The following FAM193A variants were observed in gnomAD, a reference collection of about 807,000 sequenced individuals.
FAM193A encodes the protein family with sequence similarity 193 member A.
Under a neutral mutation model 126.5 loss-of-function variants are expected in FAM193A, and 22 were observed. The observed-to-expected ratio is 0.17, with a 90% CI of 0.12 to 0.25. FAM193A has a LOEUF of 0.25. Among genes scored for constraint, FAM193A ranks in the 10% least tolerant of loss-of-function variants. The pLI, the probability that FAM193A is intolerant of heterozygous loss-of-function variation, is 1.00. For synonymous variants in FAM193A, 761 were observed against 646.8 expected (o/e 1.18, Z -2.68); for missense variants, 1,675 against 1,672.8 (o/e 1.00, Z -0.02).
At chr4:2,586,031 G>A (rs1740214411) in intron 1 of FAM193A, among the ~76,000 whole-genome samples, 1 of 152,060 alleles carries the variant, frequency 6.6e-6, no homozygotes, top group Admixed American at 6.6e-5. Flanking sequence ...ATCACTTGAG[G>A]TTGGGAGTTC....
intron 20 of FAM193A, among the ~76,000 whole-genome samples, chr4:2,730,553 G>C (rs965507235): frequency 6.6e-6 from 1 of 152,084 alleles, no homozygotes; most frequent in Non-Finnish European, 1.5e-5. Context: ...AGCTGGGCGT[G>C]GTGATAGGTG....
chr4:2,639,885 C>T (rs1411532676), intron 6 of FAM193A, 26 bp downstream of exon 6: 13 of 1,605,796 alleles, frequency 8.1e-6, no homozygotes, highest in Non-Finnish European at 1.1e-5. Flanking sequence ...CCGTATGTGT[C>T]TTTGTGGTGT....
chr4:2,617,047 C>A (rs111576208), intron 2 of FAM193A, among the ~76,000 whole-genome samples: 94,230 of 140,846 alleles, frequency 0.67, 32,973 homozygotes, highest in African/African-American at 0.87. Context: ...ACATGCCTGT[C>A]ATCCCAGCTA....
chr4:2,726,142 G>A (rs546293937), intron 20 of FAM193A, among the ~76,000 whole-genome samples: 2 of 151,936 alleles, frequency 1.3e-5, no homozygotes, highest in African/African-American at 2.4e-5. Context: ...CTCGTGATCC[G>A]CCCATCTCAG....
chr4:2,554,490 G>T (rs777923784), intron 1 of FAM193A, among the ~76,000 whole-genome samples: 1 of 152,108 alleles, frequency 6.6e-6, no homozygotes, highest in East Asian at 1.9e-4. Context: ...AAGGTTTTAT[G>T]GTCTGTTTTG....
At chr4:2,694,921 G>A (rs1406376571) in intron 16 of FAM193A, 25 bp from the exon 17 acceptor site, 1 of 1,564,220 alleles carries the variant, frequency 6.4e-7, no homozygotes, top group Admixed American at 2.0e-5. Flanking sequence ...GCCACTTGCT[G>A]ATGAGCTTGT....
At chr4:2,601,129 A>G (rs1741169830) in intron 2 of FAM193A, among the ~76,000 whole-genome samples, 1 of 152,094 alleles carries the variant, frequency 6.6e-6, no homozygotes, top group South Asian at 2.1e-4. Flanking sequence ...CTTTTAAAAC[A>G]AGAAAAATTG....
chr4:2,675,488 A>C (rs1290026829), intron 13 of FAM193A, among the ~76,000 whole-genome samples: 1 of 152,128 alleles, frequency 6.6e-6, no homozygotes, highest in Non-Finnish European at 1.5e-5. Flanking sequence ...ACCCTTTTTC[A>C]TTATGTAATG....
At chr4:2,654,403 T>C (rs1352682975) in intron 7 of FAM193A, 1 of 143,804 alleles carries the variant, frequency 7.0e-6, no homozygotes, top group Non-Finnish European at 1.5e-5. Context: ...TTTTTTTTTG[T>C]ATTTTTGGTA....
At chr4:2,584,976 T>G (rs539825338) in intron 1 of FAM193A, among the ~76,000 whole-genome samples, 1 of 152,252 alleles carries the variant, frequency 6.6e-6, no homozygotes, top group South Asian at 2.1e-4. Context: ...CACTATAGTT[T>G]TGCCTGTTTT....
intron 1 of FAM193A, among the ~76,000 whole-genome samples, chr4:2,593,488 G>A (rs1469127554): frequency 6.6e-6 from 1 of 152,148 alleles, no homozygotes; most frequent in Non-Finnish European, 1.5e-5. Context: ...TTGCTGTTAT[G>A]TTTTTCTCCT....
intron 1 of FAM193A, among the ~76,000 whole-genome samples, chr4:2,562,795 A>T (rs935315689): frequency 1.3e-5 from 2 of 151,502 alleles, no homozygotes; most frequent in Admixed American, 6.6e-5. Flanking sequence ...ATGCCCAGCT[A>T]ATTTTTGTAT....
chr4:2,677,159 T>C (rs1714505996), intron 13 of FAM193A, among the ~76,000 whole-genome samples: 1 of 152,204 alleles, frequency 6.6e-6, no homozygotes, highest in African/African-American at 2.4e-5. Context: ...TTCATTCTTT[T>C]GCATGTGGAT....
chr4:2,701,380 G>C (rs1044057611), intron 19 of FAM193A, among the ~76,000 whole-genome samples: 1 of 151,322 alleles, frequency 6.6e-6, no homozygotes, highest in Non-Finnish European at 1.5e-5. Flanking sequence ...CCTTTGGATC[G>C]GTTTCTCTGT....
At chr4:2,538,927 G>C (rs1420585815) in intron 1 of FAM193A, among the ~76,000 whole-genome samples, 1 of 151,844 alleles carries the variant, frequency 6.6e-6, no homozygotes, top group East Asian at 1.9e-4. Flanking sequence ...GTCTCACTCT[G>C]TCGCCCAGGC....
intron 7 of FAM193A, among the ~76,000 whole-genome samples, chr4:2,657,364 G>C (rs1711834938): frequency 1.3e-5 from 2 of 152,038 alleles, no homozygotes; most frequent in Non-Finnish European, 2.9e-5. Flanking sequence ...TTCTTTGTTA[G>C]TTTTGTTTTG....
chr4:2,727,255 CA>C (rs112588989), intron 20 of FAM193A, among the ~76,000 whole-genome samples: 96 of 140,320 alleles, frequency 6.8e-4, no homozygotes, highest in Non-Finnish European at 6.1e-4. Context: ...GACTCCGTCT[CA>C]AAAAAAAAAA....
At chr4:2,593,917 T>C (rs1740706001) in intron 1 of FAM193A, among the ~76,000 whole-genome samples, 1 of 151,736 alleles carries the variant, frequency 6.6e-6, no homozygotes, top group East Asian at 1.9e-4. Context: ...TTTGTTGGTA[T>C]GGAAAAATAC....
intron 7 of FAM193A, 25 bp from the exon 8 acceptor site, chr4:2,657,778 T>C (rs1356578512): frequency 2.6e-6 from 4 of 1,542,916 alleles, no homozygotes; most frequent in Non-Finnish European, 3.5e-6. Flanking sequence ...TTCTTTTTTT[T>C]CTGTTTTTTA....
Sources: allele counts gnomAD v4.1 joint callset (sites outside exome capture counted in the v4.1 genomes callset), GRCh38; gene constraint gnomAD v4.1.1; transcripts MANE v1.5; gene names NCBI Gene and HGNC (gene_info 2026-07-23, HGNC 2026-07-21).